SLC38A12: variants seen among roughly 807,000 people sequenced by gnomAD.
The protein encoded by SLC38A12 is solute carrier family 38 member 12.
chr17:74,823,011 CA>C, the SLC38A12 span, among the ~76,000 whole-genome samples: 1 of 152,238 alleles, frequency 6.6e-6, no homozygotes, highest in Non-Finnish European at 1.5e-5. Context: ...GCAGTGACCT[CA>C]AAAGCCTATT....
the SLC38A12 span, chr17:74,777,587 A>G: frequency 9.3e-6 from 14 of 1,511,504 alleles, no homozygotes; most frequent in African/African-American, 1.1e-4. Context: ...GGTGTTTGTC[A>G]GAGTGGTCAA....
chr17:74,835,829 A>G, the SLC38A12 span: 1 of 1,501,190 alleles, frequency 6.7e-7, no homozygotes, highest in South Asian at 1.3e-5. Context: ...ACTCTTTCTC[A>G]CAGGGCTCTA....
the SLC38A12 span, among the ~76,000 whole-genome samples, chr17:74,778,967 C>G: frequency 1.3e-5 from 2 of 152,140 alleles, no homozygotes; most frequent in Admixed American, 1.3e-4. Context: ...TGCACCCAGC[C>G]TCTCAGGTGA....
At chr17:74,801,634 C>T in the SLC38A12 span, among the ~76,000 whole-genome samples, 3 of 152,184 alleles carry the variant, frequency 2.0e-5, no homozygotes, top group Admixed American at 6.5e-5. Context: ...AATGTGCGTG[C>T]CCGTACCCGC....
chr17:74,823,962 G>A, the SLC38A12 span, among the ~76,000 whole-genome samples: 9 of 152,376 alleles, frequency 5.9e-5, no homozygotes, highest in East Asian at 1.5e-3. Flanking sequence ...CCTGCACAGT[G>A]TGCAGAGGGG....
chr17:74,831,941 G>C, the SLC38A12 span, among the ~76,000 whole-genome samples: 1 of 152,184 alleles, frequency 6.6e-6, no homozygotes, highest in South Asian at 2.1e-4. Flanking sequence ...TGTCATCCTC[G>C]TTTCATCTTG....
chr17:74,796,267 C>T, the SLC38A12 span, among the ~76,000 whole-genome samples: 10 of 152,120 alleles, frequency 6.6e-5, no homozygotes, highest in African/African-American at 1.9e-4. Context: ...ACTTTGGGGG[C>T]GGGACTCAGA....
the SLC38A12 span, among the ~76,000 whole-genome samples, chr17:74,777,947 A>G: frequency 6.6e-6 from 1 of 152,210 alleles, no homozygotes; most frequent in East Asian, 1.9e-4. Flanking sequence ...TCTCCAGGCT[A>G]CCACACTTGC....
At chr17:74,816,404 G>A in the SLC38A12 span, among the ~76,000 whole-genome samples, 3 of 152,328 alleles carry the variant, frequency 2.0e-5, no homozygotes, top group East Asian at 5.8e-4. Context: ...AGGGACACAG[G>A]AGGACAGGCA....
At chr17:74,826,817 G>A in the SLC38A12 span, among the ~76,000 whole-genome samples, 32,285 of 152,140 alleles carry the variant, frequency 0.21, 4,428 homozygotes, top group East Asian at 0.42. Flanking sequence ...CCCAGAGGTG[G>A]GGTAGTGGGG....
the SLC38A12 span, among the ~76,000 whole-genome samples, chr17:74,808,446 A>G: frequency 6.6e-6 from 1 of 152,230 alleles, no homozygotes; most frequent in African/African-American, 2.4e-5. Flanking sequence ...ACCAAGGTGC[A>G]GGTGTCTGCA....
the SLC38A12 span, among the ~76,000 whole-genome samples, chr17:74,789,407 G>A: frequency 6.6e-6 from 1 of 152,180 alleles, no homozygotes; most frequent in South Asian, 2.1e-4. Context: ...ATGTGTGCCT[G>A]TAATCGCAGC....
the SLC38A12 span, among the ~76,000 whole-genome samples, chr17:74,832,580 A>T: frequency 3.3e-5 from 5 of 152,224 alleles, no homozygotes; most frequent in Admixed American, 6.5e-5. Context: ...AGTGCAGGTC[A>T]GGATTCATGG....
the SLC38A12 span, among the ~76,000 whole-genome samples, chr17:74,786,989 T>A: frequency 6.6e-6 from 1 of 152,188 alleles, no homozygotes; most frequent in Admixed American, 6.5e-5. Flanking sequence ...GATCGATGAG[T>A]TGGCCTTGCG....
the SLC38A12 span, among the ~76,000 whole-genome samples, chr17:74,832,383 G>A: frequency 3.9e-5 from 6 of 152,174 alleles, no homozygotes; most frequent in South Asian, 6.2e-4. Context: ...TGGTGGTGCC[G>A]AACTGGAGGG....
the SLC38A12 span, among the ~76,000 whole-genome samples, chr17:74,810,904 T>C: frequency 1.3e-5 from 2 of 152,056 alleles, no homozygotes; most frequent in Non-Finnish European, 2.9e-5. Flanking sequence ...ACACGGCTCC[T>C]GCTCTCTTTC....
the SLC38A12 span, among the ~76,000 whole-genome samples, chr17:74,832,301 A>G: frequency 6.6e-6 from 1 of 151,496 alleles, no homozygotes; most frequent in Non-Finnish European, 1.5e-5. Flanking sequence ...TGGTTTGGAG[A>G]CCAGGCTGGA....
At chr17:74,803,820 A>G in the SLC38A12 span, among the ~76,000 whole-genome samples, 1 of 152,242 alleles carries the variant, frequency 6.6e-6, no homozygotes, top group South Asian at 2.1e-4. Context: ...TTTCTGGGCA[A>G]AGAACTAAAA....
the SLC38A12 span, chr17:74,836,592 C>T: frequency 1.4e-5 from 23 of 1,612,810 alleles, no homozygotes; most frequent in East Asian, 8.9e-5. The surrounding 1 kb of genome is among the most constrained non-coding windows in gnomAD (Gnocchi z 4.2). Context: ...GTCCCCTTTC[C>T]GCCACACCTT....
Sources: gnomAD v4.1 joint callset for allele counts (sites outside exome capture counted in the v4.1 genomes callset) on GRCh38, gnomAD v4.1.1 for gene constraint, Gnocchi (gnomAD v3.1) non-coding constraint, MANE v1.5 for transcripts, NCBI Gene and HGNC (gene_info 2026-07-23, HGNC 2026-07-21) for gene names.